The following TTYH3 variants were observed in gnomAD, a reference collection of about 807,000 sequenced individuals.
The protein encoded by TTYH3 is protein tweety homolog 3.
Under a neutral mutation model 68.2 loss-of-function variants are expected in TTYH3, and 23 were observed. That is an observed-to-expected ratio of 0.34 (90% confidence interval 0.24 to 0.48). The LOEUF is 0.48. TTYH3 is among the 20% of genes least tolerant of loss of function. The pLI is 0.99. For missense variants in TTYH3, 768 were observed against 727.7 expected (o/e 1.06, Z -0.64); for synonymous variants, 360 against 332.8 (o/e 1.08, Z -0.89).
chr7:2,640,710 G>C (rs1188564889), intron 1 of TTYH3, among the ~76,000 whole-genome samples: 1 of 152,274 alleles, frequency 6.6e-6, no homozygotes, highest in Non-Finnish European at 1.5e-5. Flanking sequence ...CCTGGAGGCA[G>C]AGTGGGCATG....
chr7:2,658,816 G>A (rs1786409999), intron 12 of TTYH3, 124 bp from the exon 13 acceptor site: 1 of 937,474 alleles, frequency 1.1e-6, no homozygotes, highest in Admixed American at 2.0e-5. Context: ...CTGGGTTCGT[G>A]GGACCCCCAG....
chr7:2,642,798 C>G (rs934520290), intron 1 of TTYH3, among the ~76,000 whole-genome samples: 1 of 147,422 alleles, frequency 6.8e-6, no homozygotes, highest in Non-Finnish European at 1.5e-5. Context: ...TGTGGTGGCT[C>G]ACGTCTGTAA....
At chr7:2,648,103 G>A in intron 5 of TTYH3, 49 bp downstream of exon 5, 1 of 1,554,314 alleles carries the variant, frequency 6.4e-7, no homozygotes, top group South Asian at 1.1e-5. Flanking sequence ...GGAGGGGCAG[G>A]GCAAGGCACC....
At chr7:2,654,377 A>G (rs376466105) in intron 9 of TTYH3, among the ~76,000 whole-genome samples, 27 of 152,340 alleles carry the variant, frequency 1.8e-4, no homozygotes, top group Middle Eastern at 3.4e-3. Flanking sequence ...CCTGGGCAAC[A>G]GAGCAAGACC....
Position 2,656,387 on chromosome 7 carries a change from C to G in TTYH3, c.1114-11C>G. ...GTCTCTGGATCCTGCCATCTCATCC[C>G]ACGGCCTCAGGACTACGTGCAAGCG... On this transcript the variant is annotated splice_polypyrimidine_tract_variant and intron_variant, in intron 10 of 13. Coordinates refer to ENST00000258796, the MANE Select transcript of TTYH3 (RefSeq NM_025250.3). 6.2e-7 allele frequency: 1 copy of G among 1,604,208 alleles called. No homozygotes were observed. The highest frequency in any genetic ancestry group is 8.5e-7 in the Non-Finnish European group (1 of 1,175,940).
chr7:2,640,403 T>TGGGGGGGGGACGTGTGTGTG (rs34780806), intron 1 of TTYH3, among the ~76,000 whole-genome samples: 26 of 151,318 alleles, frequency 1.7e-4, no homozygotes, highest in Non-Finnish European at 3.0e-4. Context: ...TGTGTGTGTG[T>TGGGGGGGGGACGTGTGTGTG]GGGGGGGGAC....
chr7:2,654,783 TTTTA>T (rs575173397), intron 9 of TTYH3, among the ~76,000 whole-genome samples: 59 of 152,286 alleles, frequency 3.9e-4, no homozygotes, highest in Middle Eastern at 3.4e-3. Flanking sequence ...TCTTTTTTAT[TTTTA>T]TTTATTTATT....
At chr7:2,647,388 C>G in intron 3 of TTYH3, 30 bp from the exon 4 acceptor site, 1 of 1,468,924 alleles carries the variant, frequency 6.8e-7, no homozygotes, top group Non-Finnish European at 9.0e-7. Context: ...CGGGCGCGCT[C>G]CCAGCCTCAC....
intron 4 of TTYH3, 126 bp downstream of exon 4, chr7:2,647,764 G>A (rs2114986325): frequency 8.7e-7 from 1 of 1,154,158 alleles, no homozygotes; most frequent in Non-Finnish European, 1.2e-6. Context: ...GGCCACTGGA[G>A]GTCACAGGCA....
At chr7:2,661,564 C>T in intron 13 of TTYH3, 104 bp from the exon 14 acceptor site, 2 of 1,157,968 alleles carry the variant, frequency 1.7e-6, no homozygotes, top group Non-Finnish European at 2.5e-6. Context: ...CCATTCTGCC[C>T]CCAGGGCTGT....
At position 2,648,978 on chromosome 7, in the gene TTYH3, G is replaced by GTGTGGGGCCCGCAGTGGGGTTTGGGT; in HGVS notation, c.723-589_723-588insTGTGGGGCCCGCAGTGGGGTTTGGGT. Among the ~76,000 whole-genome samples, 2 of 151,558 alleles carry GTGTGGGGCCCGCAGTGGGGTTTGGGT rather than the reference G, an allele frequency of 1.3e-5. 1 individual carries two copies. Among genetic ancestry groups the GTGTGGGGCCCGCAGTGGGGTTTGGGT allele is most frequent in the African/African-American group, 4.9e-5 (2 of 41,108 alleles). ...TGTGGGGCCCGCAGTGGGGTGTGGG[G>GTGTGGGGCCCGCAGTGGGGTTTGGGT]CCTGCACTGGGGTGTGTTTTGGGGA... On this transcript the variant is annotated intron_variant, in intron 5 of 13. Transcript: ENST00000258796.
intron 12 of TTYH3, 126 bp from the exon 13 acceptor site, chr7:2,658,814 G>C (rs930141757): frequency 2.1e-6 from 2 of 930,934 alleles, no homozygotes. Flanking sequence ...TGCTGGGTTC[G>C]TGGGACCCCC....
rs1354492146 is a variant in TTYH3, at chr7:2,645,477, TG to T, written c.124-1371del. ...GTTGCATCAAATTAGCCACTTCCTG[TG>T]GGGGTCGCCTGGCCTCGGGACAGGG... On this transcript the variant is annotated intron_variant, in intron 1 of 13. Transcript: ENST00000258796. The surrounding 1 kb of genome is among the most constrained non-coding windows in gnomAD (Gnocchi z 4.8). 5.5e-6 allele frequency: 1 copy of T among 181,780 alleles called. No homozygotes were observed. The highest frequency in any genetic ancestry group is 1.2e-5 in the Non-Finnish European group (1 of 83,818). The allele number at this position is 181,780 out of a possible 1,614,324, so 11.3% of individuals were successfully genotyped here.
chr7:2,650,109 G>A (rs1326150003), intron 7 of TTYH3, 121 bp downstream of exon 7: 1 of 967,382 alleles, frequency 1.0e-6, no homozygotes, highest in East Asian at 2.6e-5. Context: ...AGGGAGACAG[G>A]TCCCAGGCCA....
chr7:2,633,975 G>A (rs982828187), intron 1 of TTYH3, among the ~76,000 whole-genome samples: 9 of 152,234 alleles, frequency 5.9e-5, no homozygotes, highest in Admixed American at 5.2e-4. Flanking sequence ...AGCCTGACCT[G>A]CCTGGCCTCC....
intron 11 of TTYH3, among the ~76,000 whole-genome samples, chr7:2,657,948 T>C (rs1051020140): frequency 3.9e-5 from 6 of 152,130 alleles, no homozygotes; most frequent in Admixed American, 1.3e-4. Flanking sequence ...CACCCCAGCC[T>C]CCTGTGCCTT....
rs756646578 is a variant in TTYH3 at position 2,647,609 on chromosome 7, G to A, written c.597G>A (p.Ala199=). ...CGGCGGTGTCGCTGGAGGTGCTGGC[G>A]GAGCAGGTGGATCTCTACGACTGGT... ...RNTAVSLEVL[A]EQVDLYDWYR... is the part of the protein sequence containing the mutation. Residue 199 remains alanine, a synonymous_variant, in exon 4 of 14, where the codon GCG becomes GCA. Transcript: ENST00000258796. The A allele has an allele frequency of 3.2e-6, 5 of 1,572,898 alleles. No individual in the cohort carries two copies. Among genetic ancestry groups the A allele is most frequent in the Non-Finnish European group, 3.4e-6 (4 of 1,160,036 alleles).
chr7:2,647,204 C>T lies in TTYH3; in HGVS notation c.356C>T (p.Thr119Ile), dbSNP rs764221962. 1 of 1,605,200 alleles carries T rather than the reference C, an allele frequency of 6.2e-7. No individual in the cohort carries two copies. The highest frequency in any genetic ancestry group is 8.5e-7 in the Non-Finnish European group (1 of 1,177,714). The change falls in exon 3 of 14, where the codon ACC becomes ATC. Residue 119 changes from threonine (T) to isoleucine (I), a missense_variant. Coordinates refer to ENST00000258796, the MANE Select transcript of TTYH3 (RefSeq NM_025250.3). ...GETSDGIHRATYSLRHANRTV... is the reference protein window; with the variant it reads ...GETSDGIHRAIYSLRHANRTV... The stretch of plus-strand genomic sequence containing the variant: ...ACCAGTGATGGCATCCATAGGGCCA[C>T]CTACTCGCTCCGCCACGCCAACCGC...
At chr7:2,654,860 C>A (rs1355947739) in intron 9 of TTYH3, among the ~76,000 whole-genome samples, 1 of 152,186 alleles carries the variant, frequency 6.6e-6, no homozygotes, top group Non-Finnish European at 1.5e-5. Flanking sequence ...TCTCGGCTCA[C>A]CGCAACCTCT....
Sources: allele counts gnomAD v4.1 joint callset (sites outside exome capture counted in the v4.1 genomes callset), GRCh38; gene constraint gnomAD v4.1.1; non-coding constraint Gnocchi (gnomAD v3.1); transcripts MANE v1.5; gene names NCBI Gene and HGNC (gene_info 2026-07-23, HGNC 2026-07-21).